ZIK1: variants seen among roughly 807,000 people sequenced by gnomAD.
ZIK1 encodes zinc finger protein interacting with K protein 1, also known as zinc finger protein interacting with ribonucleoprotein K.
A neutral mutation model predicts 10.7 loss-of-function variants in ZIK1; 12 were observed. The observed-to-expected ratio is 1.12, with a 90% CI of 0.72 to 1.81. The LOEUF is 1.81. Ranked by LOEUF, ZIK1 falls within the 40% of genes most tolerant of loss-of-function variation. ZIK1 has a pLI of 0.00. For synonymous variants in ZIK1, 190 were observed against 205.0 expected (o/e 0.93, Z 0.63); for missense variants, 497 against 585.7 (o/e 0.85, Z 1.56).
At position 57,590,392 on chromosome 19, in the gene ZIK1, C is replaced by T; in HGVS notation, c.581C>T (p.Pro194Leu). ...RSLVFPGGKK[P>L]GTITECGEDI... ...CTGGTCTTTCCTGGAGGCAAGAAAC[C>T]CGGCACAATTACTGAATGTGGGGAG... Residue 194 changes from proline to leucine, a missense_variant, in exon 4 of 4, where the codon CCC becomes CTC. Transcript: ENST00000597850. 1 of 1,614,142 alleles carries T rather than the reference C, an allele frequency of 6.2e-7. No homozygotes were observed. Among genetic ancestry groups the T allele is most frequent in the Non-Finnish European group, 8.5e-7 (1 of 1,180,026 alleles).
In ZIK1 at chr19:57,590,292, T is replaced by C. The variant is rs1210076846; in HGVS notation, c.481T>C (p.Cys161Arg). The C allele has an allele frequency of 1.1e-5, 18 of 1,614,104 alleles. No homozygotes were observed. Among genetic ancestry groups the C allele is most frequent in the Admixed American group, 8.3e-5 (5 of 60,004 alleles). Residue 161 changes from cysteine to arginine, a missense_variant, in exon 4 of 4, where the codon TGT becomes CGT. Cys to Arg is a radical substitution (Grantham distance 180). Transcript: ENST00000597850. ...CTCATATGTGAAGTGCTGCCTATTC[T>C]GTATGTCATTGAAGCCCTTTCGCAA... is the stretch of plus-strand genomic sequence containing the variant. ...RASYVKCCLF[C>R]MSLKPFRKWE...
chr19:57,590,142 G>T lies in ZIK1; in HGVS notation c.331G>T (p.Asp111Tyr). The T allele has an allele frequency of 6.2e-7, 1 of 1,614,196 alleles. No homozygotes were observed. Among genetic ancestry groups the T allele is most frequent in the Non-Finnish European group, 8.5e-7 (1 of 1,180,040 alleles). ...TGAGATGTGTGTCCCAGTCCTGAAA[G>T]ATATTTTGCATCTAGCTGATCTCCC... ...SCEMCVPVLKDILHLADLPGQ... is the reference protein window; with the variant it reads ...SCEMCVPVLKYILHLADLPGQ... The change falls in exon 4 of 4, where the codon GAT becomes TAT. Residue 111 changes from aspartate to tyrosine, a missense_variant. Physicochemically the swap from Asp to Tyr is radical, Grantham distance 160. Transcript: ENST00000597850.
At position 57,590,092 on chromosome 19, in the gene ZIK1, C is replaced by T; in HGVS notation, c.281C>T (p.Ser94Leu). Residue 94 changes from serine (S) to leucine (L), a missense_variant, in exon 4 of 4, where the codon TCA becomes TTA. Coordinates refer to ENST00000597850, the MANE Select transcript of ZIK1 (RefSeq NM_001010879.4). Reference sequence around the variant, plus strand: ...GGAGTGTCACAGTCAAAGGCAGGTTCATCCACACAGAAGACTCAATCCTGT... The same window carrying T: ...GGAGTGTCACAGTCAAAGGCAGGTTTATCCACACAGAAGACTCAATCCTGT... ...SVGVSQSKAG[S>L]STQKTQSCEM... is the part of the protein sequence containing the mutation. The T allele has an allele frequency of 6.2e-7, 1 of 1,614,196 alleles. No individual in the cohort carries two copies. The highest frequency in any genetic ancestry group is 8.5e-7 in the Non-Finnish European group (1 of 1,180,028).
rs757485935 is a variant in ZIK1, at chr19:57,591,059, T to C, written c.1248T>C (p.Phe416=). Residue 416 remains phenylalanine (F), a synonymous_variant, in exon 4 of 4, where the codon TTT becomes TTC. Coordinates refer to ENST00000597850, the MANE Select transcript of ZIK1 (RefSeq NM_001010879.4). ...AGTGTGGTGACTGTGGGAAATCCTT[T>C]AGTCAAAGCTCCATCCTTATTCAAC... ...PYKCGDCGKS[F]SQSSILIQHR... The C allele has an allele frequency of 1.4e-5, 23 of 1,614,078 alleles. No homozygotes were observed. The highest frequency in any genetic ancestry group is 1.9e-5 in the Non-Finnish European group (23 of 1,179,992).
rs529944030 is a variant in ZIK1 at position 57,584,973 on chromosome 19, C to T, written c.55C>T (p.His19Tyr). ...ACAGGTTACTGTGTCTCCAGAAACA[C>T]ATATGGACCTCACAAAGGTGAGTGG... The part of the protein sequence containing the change: ...PTQVTVSPET[H>Y]MDLTKGCVTF... Residue 19 changes from histidine to tyrosine, a missense_variant, in exon 2 of 4, where the codon CAT (histidine) becomes TAT (tyrosine). Coordinates refer to ENST00000597850, the MANE Select transcript of ZIK1 (RefSeq NM_001010879.4). 3 of 1,613,922 alleles carry T rather than the reference C, an allele frequency of 1.9e-6. No individual in the cohort carries two copies. The highest frequency in any genetic ancestry group is 2.2e-5 in the East Asian group (1 of 44,852).
In ZIK1 at chr19:57,584,998, G is replaced by A. The variant is rs777662856; in HGVS notation, c.72+8G>A. 6.2e-7 allele frequency: 1 copy of A among 1,613,262 alleles called. No individual in the cohort carries two copies. Among genetic ancestry groups the A allele is most frequent in the African/African-American group, 1.3e-5 (1 of 74,886 alleles). On this transcript the variant is annotated splice_region_variant and intron_variant, in intron 2 of 3. Coordinates refer to ENST00000597850, the MANE Select transcript of ZIK1 (RefSeq NM_001010879.4). Reference sequence around the variant, plus strand: ...CATATGGACCTCACAAAGGTGAGTGGAGGGTGTCCCAGGCCCTCACTGGTC... The same window carrying A: ...CATATGGACCTCACAAAGGTGAGTGAAGGGTGTCCCAGGCCCTCACTGGTC...
In ZIK1 at chr19:57,589,263, C is replaced by T. The variant is rs896077110; in HGVS notation, c.199+598C>T. 8.1e-6 allele frequency: 8 copies of T among 985,084 alleles called. No homozygotes were observed. In the Admixed American group the frequency reaches 1.8e-4, roughly 23 times the overall value. 61.0% of individuals were successfully genotyped at this position (985,084 alleles called of 1,614,324 possible). A position where few individuals can be genotyped will look rare whatever the true frequency, so the allele number is the denominator to read the frequency against. The stretch of plus-strand genomic sequence containing the variant: ...TTGCTTTATAGGGTGAACATGGTCT[C>T]AGAGAAGGCCTGGGCTTGTTGAGTG... On this transcript the variant is annotated intron_variant, in intron 3 of 3. Transcript: ENST00000597850.
rs1390596117 is a variant in ZIK1, at chr19:57,590,912, TC to T, written c.1102del (p.Gln368AsnfsTer143). On this transcript the variant is annotated frameshift_variant, in exon 4 of 4. Coordinates refer to ENST00000597850, the MANE Select transcript of ZIK1 (RefSeq NM_001010879.4). LOFTEE classifies it low-confidence loss of function (END_TRUNC). ...CCTTTAGTCAAAGTGCCATTCTTAA[TC>T]AACACCGAAGAATTCACACTGGAGC... ...NSFSQSAILN[Q>X]HRRIHTGAKP... The T allele has an allele frequency of 6.2e-7, 1 of 1,613,574 alleles. No homozygotes were observed. The highest frequency in any genetic ancestry group is 1.1e-5 in the South Asian group (1 of 91,068).
Position 57,584,938 on chromosome 19 carries a change from T to C in ZIK1, c.34-14T>C. The C allele has an allele frequency of 6.2e-7, 1 of 1,613,740 alleles. No individual in the cohort carries two copies. The highest frequency in any genetic ancestry group is 8.5e-7 in the Non-Finnish European group (1 of 1,179,830). ...TATGGTCACCTGCCTTTCATGATCT[T>C]TGGCTTTCCACAGGTTACTGTGTCT... On this transcript the variant is annotated splice_polypyrimidine_tract_variant and intron_variant, in intron 1 of 3. Coordinates refer to ENST00000597850, the MANE Select transcript of ZIK1 (RefSeq NM_001010879.4).
At chr19:57,588,098 A>G (rs1253088040) in intron 2 of ZIK1, among the ~76,000 whole-genome samples, 1 of 151,964 alleles carries the variant, frequency 6.6e-6, no homozygotes, top group African/African-American at 2.4e-5. Flanking sequence ...TCTGTGTAGC[A>G]CTGGATGATG....
rs745635928 is a variant in ZIK1 at position 57,590,719 on chromosome 19, T to C, written c.908T>C (p.Leu303Ser). 4 of 1,613,310 alleles carry C rather than the reference T, an allele frequency of 2.5e-6. No homozygotes were observed. In the African/African-American group the frequency reaches 5.4e-5, roughly 22 times the overall value. ...RPYECSECGK[L>S]FRQNSSLVDH... is the part of the protein sequence containing the mutation. ...TATGAGTGCAGCGAATGTGGAAAAT[T>C]ATTTAGACAAAACTCCAGCCTTGTT... Residue 303 changes from leucine to serine, a missense_variant, in exon 4 of 4, where the codon TTA becomes TCA. Transcript: ENST00000597850.
rs1201386902 is a variant in ZIK1 at position 57,593,081 on chromosome 19, T to C, written c.*1806T>C. The C allele has an allele frequency of 6.6e-6, 1 of 151,452 alleles. No individual in the cohort carries two copies. Among genetic ancestry groups the C allele is most frequent in the Non-Finnish European group, 1.5e-5 (1 of 67,924 alleles). The allele number at this position is 151,452 out of a possible 1,614,324, so 9.4% of individuals were successfully genotyped here. Reference sequence around the variant, plus strand: ...TTTTTTTTGAGATGGAGTCTCAGTCTGTCACCAGGCTGGAGTGCAGTGGCA... The same window carrying C: ...TTTTTTTTGAGATGGAGTCTCAGTCCGTCACCAGGCTGGAGTGCAGTGGCA... On this transcript the variant is annotated 3_prime_UTR_variant, in exon 4 of 4. Coordinates refer to ENST00000597850, the MANE Select transcript of ZIK1 (RefSeq NM_001010879.4).
At chr19:57,586,054 A>G (rs923901837) in intron 2 of ZIK1, among the ~76,000 whole-genome samples, 1 of 152,110 alleles carries the variant, frequency 6.6e-6, no homozygotes, top group Non-Finnish European at 1.5e-5. Context: ...ATTAAGGATA[A>G]CAGGAGTTTT....
At chr19:57,586,135 C>G (rs567881918) in intron 2 of ZIK1, among the ~76,000 whole-genome samples, 9 of 152,224 alleles carry the variant, frequency 5.9e-5, no homozygotes, top group Non-Finnish European at 8.8e-5. Context: ...GAGTAGCTGT[C>G]CATGTACATC....
intron 3 of ZIK1, among the ~76,000 whole-genome samples, chr19:57,589,035 C>T (rs1432481428): frequency 6.6e-6 from 1 of 152,090 alleles, no homozygotes; most frequent in Admixed American, 6.5e-5. Flanking sequence ...CTTATGGGGA[C>T]AATGGGCTCT....
chr19:57,584,367 C>T lies in ZIK1; in HGVS notation c.11C>T (p.Ala4Val). ...TGCCCACAGACTCCGATGGCTGCGG[C>T]CGCGCTGAGGGCCCCGACTCAGGTG... The part of the protein sequence containing the change: MAA[A>V]ALRAPTQVTV... Residue 4 changes from alanine to valine, a missense_variant, in exon 1 of 4, where the codon GCC (alanine) becomes GTC (valine). Transcript: ENST00000597850. The T allele has an allele frequency of 6.2e-7, 1 of 1,604,008 alleles. No homozygotes were observed. Among genetic ancestry groups the T allele is most frequent in the South Asian group, 1.1e-5 (1 of 89,286 alleles).
Position 57,590,441 on chromosome 19 carries a change from T to G in ZIK1, c.630T>G (p.His210Gln). ...AGGACATTCGCAGTCAAAAAAGTCA[T>G]TACAAGTCAGGTGAATGTGGGAAGG... ...CGEDIRSQKS[H>Q]YKSGECGKAS... Residue 210 changes from histidine (H) to glutamine (Q), a missense_variant, in exon 4 of 4, where the codon CAT becomes CAG. Coordinates refer to ENST00000597850, the MANE Select transcript of ZIK1 (RefSeq NM_001010879.4). The G allele has an allele frequency of 6.2e-7, 1 of 1,614,116 alleles. No homozygotes were observed. Among genetic ancestry groups the G allele is most frequent in the Non-Finnish European group, 8.5e-7 (1 of 1,179,998 alleles).
At position 57,591,256 on chromosome 19, in the gene ZIK1, A is replaced by C; in HGVS notation, c.1445A>C (p.Gln482Pro). Residue 482 changes from glutamine to proline, a missense_variant, in exon 4 of 4, where the codon CAA becomes CCA. Coordinates refer to ENST00000597850, the MANE Select transcript of ZIK1 (RefSeq NM_001010879.4). ...CAATGCTCCAGCCTCATACATCACC[A>C]AAAATGTCATAACACATAGAGGCCT... is the stretch of plus-strand genomic sequence containing the variant. The part of the protein sequence containing the change: ...FSQCSSLIHH[Q>P]KCHNT 2 of 1,610,208 alleles carry C rather than the reference A, an allele frequency of 1.2e-6. No homozygotes were observed. The highest frequency in any genetic ancestry group is 1.1e-5 in the South Asian group (1 of 90,854).
rs1431981347 is a variant in ZIK1 at position 57,590,792 on chromosome 19, G to A, written c.981G>A (p.Gln327=). 6.2e-7 allele frequency: 1 copy of A among 1,614,050 alleles called. No homozygotes were observed. Among genetic ancestry groups the A allele is most frequent in the Non-Finnish European group, 8.5e-7 (1 of 1,180,054 alleles). Residue 327 remains glutamine (Q), a synonymous_variant, in exon 4 of 4, where the codon CAG becomes CAA. Transcript: ENST00000597850. ...GAGCAAGGCCTTATGAGTGTAGCCA[G>A]TGTGGGAAATCCTTTAGCCAAAAAG... ...HTGARPYECS[Q]CGKSFSQKAT...
Sources: allele counts gnomAD v4.1 joint callset (sites outside exome capture counted in the v4.1 genomes callset), GRCh38; gene constraint gnomAD v4.1.1; transcripts MANE v1.5; gene names NCBI Gene and HGNC (gene_info 2026-07-23, HGNC 2026-07-21).